HECW1: variants seen among roughly 807,000 people sequenced by gnomAD.
HECW1 encodes the protein HECT, C2 and WW domain containing E3 ubiquitin protein ligase 1.
Under a neutral mutation model 182.3 loss-of-function variants are expected in HECW1, and 61 were observed. The observed-to-expected ratio is 0.33, with a 90% CI of 0.27 to 0.41. The LOEUF is 0.41. Among genes scored for constraint, HECW1 ranks in the 10% least tolerant of loss-of-function variants. HECW1 has a pLI of 1.00. For synonymous variants in HECW1, 859 were observed against 832.6 expected (o/e 1.03, Z -0.55); for missense variants, 1,739 against 2,108.9 (o/e 0.82, Z 3.44).
At chr7:43,506,583 C>T (rs1237346160) in intron 21 of HECW1, among the ~76,000 whole-genome samples, 4 of 152,012 alleles carry the variant, frequency 2.6e-5, no homozygotes, top group African/African-American at 9.7e-5. Flanking sequence ...ATGGAGATGC[C>T]AGAATGTGCC....
Position 43,451,893 on chromosome 7 carries a change from T to G in HECW1, c.2500+964T>G, listed in dbSNP as rs187995362. Among the ~76,000 whole-genome samples the G allele has an allele frequency of 3.9e-3, 592 of 152,338 alleles. 13 individuals carry two copies. Among genetic ancestry groups the G allele is most frequent in the Non-Finnish European group, 1.3e-3 (88 of 68,022 alleles). ...GTGTTTCTTTACATTCTTTTGCCTGTGCTTACATGAAGCAGTTACAGTTTT... is the reference window on the plus strand; with the variant it reads ...GTGTTTCTTTACATTCTTTTGCCTGGGCTTACATGAAGCAGTTACAGTTTT... On this transcript the variant is annotated intron_variant, in intron 12 of 29. Transcript: ENST00000395891.
chr7:43,341,910 G>C (rs1206523363), intron 5 of HECW1, among the ~76,000 whole-genome samples: 1 of 151,732 alleles, frequency 6.6e-6, no homozygotes, highest in Admixed American at 6.6e-5. Flanking sequence ...TATCATTTGA[G>C]TAGCAAAAAT....
intron 2 of HECW1, among the ~76,000 whole-genome samples, chr7:43,192,394 G>A (rs575179068): frequency 6.6e-6 from 1 of 152,244 alleles, no homozygotes; most frequent in South Asian, 2.1e-4. Context: ...GGATATTCCA[G>A]TTACCCTAAT....
At chr7:43,277,403 T>C (rs1803294437) in intron 3 of HECW1, among the ~76,000 whole-genome samples, 1 of 152,170 alleles carries the variant, frequency 6.6e-6, no homozygotes, top group Admixed American at 6.5e-5. Context: ...TTTAGGTGTT[T>C]AGCAGCCTGA....
intron 2 of HECW1, among the ~76,000 whole-genome samples, chr7:43,186,946 C>T (rs989507974): frequency 6.6e-6 from 1 of 152,200 alleles, no homozygotes; most frequent in African/African-American, 2.4e-5. Flanking sequence ...TATCCCAGCA[C>T]ATATTAAGTG....
chr7:43,169,680 T>C lies in HECW1; in HGVS notation c.-32+55289T>C, dbSNP rs191811396. On this transcript the variant is annotated intron_variant, in intron 2 of 29. Coordinates refer to ENST00000395891, the MANE Select transcript of HECW1 (RefSeq NM_015052.5). ...ATTGCTTTTCTTATCTTTGTATCTT[T>C]TTTTCTTTTCTTTTTTTTTTTTTTT... Among the ~76,000 whole-genome samples, 817 of 145,972 alleles carry C rather than the reference T, an allele frequency of 5.6e-3. 6 individuals carry two copies. Among genetic ancestry groups the C allele is most frequent in the Non-Finnish European group, 9.5e-3 (640 of 67,370 alleles).
At position 43,442,377 on chromosome 7, in the gene HECW1, A is replaced by G. The variant is rs1371558299; in HGVS notation, c.945-152A>G. ...GTAGTTCAAGGGGCATCTGTATTCG[A>G]TAAGGACTTCCTTACAGTTTTGTAT... On this transcript the variant is annotated intron_variant, in intron 9 of 29. Coordinates refer to ENST00000395891, the MANE Select transcript of HECW1 (RefSeq NM_015052.5). 8.4e-6 allele frequency: 5 copies of G among 594,216 alleles called. No homozygotes were observed. The Admixed American group carries it at 1.3e-4, about 16-fold the overall frequency. The allele number at this position is 594,216 out of a possible 1,614,324, so 36.8% of individuals were successfully genotyped here.
chr7:43,246,915 G>T (rs1303167794), intron 3 of HECW1, among the ~76,000 whole-genome samples: 1 of 152,138 alleles, frequency 6.6e-6, no homozygotes, highest in African/African-American at 2.4e-5. Context: ...GGTGGGAATG[G>T]CTAGACCCCT....
At chr7:43,508,619 C>G in intron 23 of HECW1, 1 of 302,162 alleles carries the variant, frequency 3.3e-6, no homozygotes, top group South Asian at 5.0e-5. Flanking sequence ...CACACATTCA[C>G]TGTTGCAGGA....
intron 3 of HECW1, among the ~76,000 whole-genome samples, chr7:43,302,129 C>G (rs1806889188): frequency 6.6e-6 from 1 of 152,116 alleles, no homozygotes; most frequent in Admixed American, 6.5e-5. Flanking sequence ...CTGGCCCCAT[C>G]ACCTAATAGC....
intron 3 of HECW1, among the ~76,000 whole-genome samples, chr7:43,263,704 A>G (rs7798947): frequency 0.13 from 19,770 of 152,072 alleles, 2,718 homozygotes; most frequent in African/African-American, 0.35. Flanking sequence ...AAATACTAGG[A>G]AACAGAGAAG....
intron 19 of HECW1, among the ~76,000 whole-genome samples, chr7:43,498,007 C>T (rs907738224): frequency 6.6e-6 from 1 of 152,080 alleles, no homozygotes; most frequent in Non-Finnish European, 1.5e-5. Context: ...GGAGTTCTCC[C>T]GATGGTCAAG....
intron 26 of HECW1, among the ~76,000 whole-genome samples, chr7:43,543,647 C>T (rs1161907177): frequency 2.0e-5 from 3 of 151,776 alleles, no homozygotes; most frequent in African/African-American, 4.8e-5. Flanking sequence ...GGGATGATGG[C>T]AGACACCTGT....
chr7:43,428,061 A>C (rs1399958028), intron 8 of HECW1, among the ~76,000 whole-genome samples: 1 of 152,214 alleles, frequency 6.6e-6, no homozygotes, highest in Non-Finnish European at 1.5e-5. Flanking sequence ...AGGGGATTAT[A>C]CAGAGTGTGT....
At chr7:43,526,721 C>G (rs750127544) in intron 24 of HECW1, among the ~76,000 whole-genome samples, 1 of 152,170 alleles carries the variant, frequency 6.6e-6, no homozygotes, top group Non-Finnish European at 1.5e-5. Context: ...TATAGCAGGG[C>G]CAGGTGCAGT....
chr7:43,492,096 A>G lies in HECW1; in HGVS notation c.3256A>G (p.Arg1086Gly). The G allele has an allele frequency of 1.2e-6, 2 of 1,605,612 alleles. No individual in the cohort carries two copies. Among genetic ancestry groups the G allele is most frequent in the Non-Finnish European group, 1.7e-6 (2 of 1,177,698 alleles). ...AGEASEVSRN[R>G]GASLLARPGH... is the part of the protein sequence containing the mutation. ...TTAGGCCTCAGAAGTTTCTAGAAAC[A>G]GAGGAGCCTCTTTACTGGCCAGGCC... Residue 1086 changes from arginine (R) to glycine (G), a missense_variant, in exon 18 of 30, where the codon AGA becomes GGA. Coordinates refer to ENST00000395891, the MANE Select transcript of HECW1 (RefSeq NM_015052.5).
At chr7:43,322,046 A>G (rs1431746379) in intron 5 of HECW1, among the ~76,000 whole-genome samples, 1 of 152,216 alleles carries the variant, frequency 6.6e-6, no homozygotes, top group African/African-American at 2.4e-5. Context: ...TGAGATAGGC[A>G]TAATAAAACT....
chr7:43,177,247 A>G (rs987380425), intron 2 of HECW1, among the ~76,000 whole-genome samples: 6 of 152,182 alleles, frequency 3.9e-5, no homozygotes, highest in Non-Finnish European at 7.3e-5. Context: ...TGATGCCCAG[A>G]GAGGCTTAAT....
chr7:43,427,654 G>A (rs981726708), intron 8 of HECW1, among the ~76,000 whole-genome samples: 4 of 152,116 alleles, frequency 2.6e-5, no homozygotes, highest in Admixed American at 2.6e-4. Context: ...AGAAGTCTGG[G>A]CACAACCTGC....
Sources: allele counts gnomAD v4.1 joint callset (sites outside exome capture counted in the v4.1 genomes callset), GRCh38; gene constraint gnomAD v4.1.1; transcripts MANE v1.5; gene names NCBI Gene and HGNC (gene_info 2026-07-23, HGNC 2026-07-21).